DAB2IP: variants seen among roughly 807,000 people sequenced by gnomAD.
DAB2IP encodes disabled homolog 2-interacting protein.
Under a neutral mutation model 107.2 loss-of-function variants are expected in DAB2IP, and 28 were observed. The observed-to-expected ratio is 0.26, with a 90% CI of 0.19 to 0.36. The LOEUF (loss-of-function observed/expected upper bound fraction) is 0.36, where lower values mean the gene tolerates loss of function less well. Ranked by LOEUF, DAB2IP falls within the 10% of genes least tolerant of loss-of-function variation. The probability of loss-of-function intolerance (pLI) is 1.00; values close to 1 mark genes in which losing one functional copy is unlikely to be tolerated. For missense variants in DAB2IP, 1,400 were observed against 1,644.7 expected (o/e 0.85, Z 2.57); for synonymous variants, 755 against 706.4 (o/e 1.07, Z -1.09).
intron 1 of DAB2IP, among the ~76,000 whole-genome samples, chr9:121,589,607 C>A (rs1249289441): frequency 1.3e-5 from 2 of 152,102 alleles, no homozygotes; most frequent in African/African-American, 2.4e-5. Context: ...TTGGGGACCA[C>A]CTGATGACAT....
Position 121,770,744 on chromosome 9 carries a change from T to C in DAB2IP, c.2078+20T>C, listed in dbSNP as rs115939092. Reference sequence around the variant, plus strand: ...TTCCGGGTAAGAGCTGCCAGCCATGTTGGGTGTGGTGGGTGCGTGTGCAGA... The same window carrying C: ...TTCCGGGTAAGAGCTGCCAGCCATGCTGGGTGTGGTGGGTGCGTGTGCAGA... On this transcript the variant is annotated intron_variant, in intron 11 of 15. Transcript: ENST00000408936. 2 of 1,612,040 alleles carry C rather than the reference T, an allele frequency of 1.2e-6. No individual in the cohort carries two copies. Among genetic ancestry groups the C allele is most frequent in the Non-Finnish European group, 1.7e-6 (2 of 1,178,826 alleles).
At chr9:121,672,916 C>T (rs1833738835) in intron 1 of DAB2IP, among the ~76,000 whole-genome samples, 1 of 152,190 alleles carries the variant, frequency 6.6e-6, no homozygotes, top group Admixed American at 6.5e-5. Context: ...GTCTGTTTGC[C>T]CAAATTAGAA....
intron 2 of DAB2IP, among the ~76,000 whole-genome samples, chr9:121,697,134 G>T (rs1471058664): frequency 6.6e-6 from 1 of 152,104 alleles, no homozygotes; most frequent in Non-Finnish European, 1.5e-5. Flanking sequence ...AGAGTCACAG[G>T]GGGTGGAGTG....
intron 1 of DAB2IP, among the ~76,000 whole-genome samples, chr9:121,658,535 T>G (rs1157915937): frequency 6.6e-6 from 1 of 152,202 alleles, no homozygotes; most frequent in Non-Finnish European, 1.5e-5. Flanking sequence ...ATTTCAGCGT[T>G]TGTTCAATAT....
At chr9:121,780,954 C>T (rs1026284575) in intron 14 of DAB2IP, among the ~76,000 whole-genome samples, 2 of 152,188 alleles carry the variant, frequency 1.3e-5, no homozygotes, top group African/African-American at 2.4e-5. Context: ...TTTCCACTAG[C>T]GCAGCTGCTC....
chr9:121,749,538 C>G (rs1183948418), intron 3 of DAB2IP, among the ~76,000 whole-genome samples: 4 of 152,156 alleles, frequency 2.6e-5, no homozygotes, highest in Admixed American at 6.5e-5. Context: ...CCTTCCAGAC[C>G]TGGTTGGGGT....
chr9:121,572,666 G>C, intron 1 of DAB2IP, among the ~76,000 whole-genome samples: 1 of 152,102 alleles, frequency 6.6e-6, no homozygotes, highest in South Asian at 2.1e-4. Flanking sequence ...TCTGACAAAT[G>C]GGCAGACTCA....
At chr9:121,656,234 C>T (rs1239592035) in intron 1 of DAB2IP, among the ~76,000 whole-genome samples, 1 of 152,034 alleles carries the variant, frequency 6.6e-6, no homozygotes, top group Admixed American at 6.6e-5. Flanking sequence ...TCTCGAACTC[C>T]CAGCCTCAGG....
At chr9:121,743,058 T>C (rs1161395023) in intron 3 of DAB2IP, 6 of 941,372 alleles carry the variant, frequency 6.4e-6, no homozygotes, top group Non-Finnish European at 7.6e-6. Context: ...GGAGGAATAC[T>C]CTGGCTGGGA....
At chr9:121,729,188 T>G (rs1470261972) in intron 3 of DAB2IP, among the ~76,000 whole-genome samples, 1 of 152,156 alleles carries the variant, frequency 6.6e-6, no homozygotes. Context: ...GCAGAGAGGT[T>G]AGGTAACCTC....
intron 1 of DAB2IP, among the ~76,000 whole-genome samples, chr9:121,672,616 G>T (rs868616147): frequency 1.3e-5 from 2 of 152,146 alleles, no homozygotes; most frequent in Admixed American, 6.5e-5. Flanking sequence ...AGAGGAAAGG[G>T]GATCCAGGAT....
Position 121,758,763 on chromosome 9 carries a change from G to A in DAB2IP, c.517-135G>A, listed in dbSNP as rs147015385. 113 of 739,362 alleles carry A rather than the reference G, an allele frequency of 1.5e-4. No individual in the cohort carries two copies. The East Asian group carries it at 2.8e-3, about 19-fold the overall frequency. 45.8% of individuals were successfully genotyped at this position (739,362 alleles called of 1,614,324 possible). ...GAAGTAGAGGCGTCATATGAGCCTTGTCCTGGCTCCTTCCTGAAGCTGTGA... is the reference window on the plus strand; with the variant it reads ...GAAGTAGAGGCGTCATATGAGCCTTATCCTGGCTCCTTCCTGAAGCTGTGA... On this transcript the variant is annotated intron_variant, in intron 4 of 15. Transcript: ENST00000408936.
intron 1 of DAB2IP, among the ~76,000 whole-genome samples, chr9:121,673,752 G>GT: frequency 6.6e-6 from 1 of 152,310 alleles, no homozygotes; most frequent in Non-Finnish European, 1.5e-5. Context: ...CGTGGGGAAG[G>GT]TGTGTGGGGT....
chr9:121,751,750 T>TG (rs1833135928), intron 3 of DAB2IP: 1 of 163,436 alleles, frequency 6.1e-6, no homozygotes, highest in Admixed American at 6.5e-5. Context: ...AGTGAGGCCA[T>TG]GCCAGGCGGA....
Position 121,684,802 on chromosome 9 carries a change from A to G in DAB2IP, c.228+6021A>G, listed in dbSNP as rs1162075496. On this transcript the variant is annotated intron_variant, in intron 2 of 15. Coordinates refer to ENST00000408936, the Ensembl canonical transcript of DAB2IP. The surrounding 1 kb of genome is among the most constrained non-coding windows in gnomAD (Gnocchi z 4.0). ...GATCTGTCCCAGGGTATATGGGGAA[A>G]CTGAGGCCTGGAGAGGAGCAGCTTG... Among the ~76,000 whole-genome samples the G allele has an allele frequency of 3.9e-5, 6 of 152,192 alleles. No individual in the cohort carries two copies. The highest frequency in any genetic ancestry group is 8.8e-5 in the Non-Finnish European group (6 of 68,010).
exon 16 of DAB2IP, chr9:121,785,199 C>T (rs1374303470): frequency 6.5e-6 from 1 of 152,672 alleles, no homozygotes; most frequent in Admixed American, 6.5e-5. Flanking sequence ...GCCCCGGTCC[C>T]CCAGAGCATC....
At chr9:121,744,533 T>A (rs1267879904) in intron 3 of DAB2IP, among the ~76,000 whole-genome samples, 1 of 152,214 alleles carries the variant, frequency 6.6e-6, no homozygotes, top group African/African-American at 2.4e-5. Flanking sequence ...CTCACTGTTT[T>A]ACAGACAGCC....
intron 1 of DAB2IP, among the ~76,000 whole-genome samples, chr9:121,608,546 G>A (rs77992830): frequency 1.8e-3 from 275 of 152,212 alleles, no homozygotes; most frequent in Non-Finnish European, 3.0e-3. Flanking sequence ...GAGTTGGGGG[G>A]GTAAGGTAGT....
At chr9:121,682,973 CT>C (rs1184815557) in intron 2 of DAB2IP, among the ~76,000 whole-genome samples, 2 of 152,146 alleles carry the variant, frequency 1.3e-5, no homozygotes, top group East Asian at 3.9e-4. Flanking sequence ...GGGAAGGGGC[CT>C]GGGAGTAGAT....
Sources: gnomAD v4.1 joint callset for allele counts (sites outside exome capture counted in the v4.1 genomes callset) on GRCh38, gnomAD v4.1.1 for gene constraint, Gnocchi (gnomAD v3.1) non-coding constraint, MANE v1.5 for transcripts, NCBI Gene and HGNC (gene_info 2026-07-23, HGNC 2026-07-21) for gene names.